Variants in ZNF808 observed in about 807,000 individuals in gnomAD.
The protein encoded by ZNF808 is zinc finger protein 808.
In ZNF808, 5 loss-of-function variants were observed where a neutral mutation model predicts 8.7. The observed-to-expected ratio is 0.58, with a 90% CI of 0.30 to 1.21. The LOEUF is 1.21. ZNF808 is among the 50% of genes most tolerant of loss of function. ZNF808 has a pLI of 0.07. For synonymous variants in ZNF808, 380 were observed against 366.0 expected, an observed-to-expected ratio of 1.04 and a Z score of -0.44; for missense variants, 1,103 against 1,098.4, an observed-to-expected ratio of 1.00 and a Z score of -0.06.
downstream of ZNF808, among the ~76,000 whole-genome samples, chr19:52,559,514 C>T (rs559887990): frequency 3.3e-5 from 5 of 152,126 alleles, no homozygotes; most frequent in South Asian, 8.3e-4. Flanking sequence ...CCGGTGCAGG[C>T]GCGGGTCCTC....
chr19:52,542,999 C>T (rs967780219), intron 2 of ZNF808, among the ~76,000 whole-genome samples: 1 of 151,622 alleles, frequency 6.6e-6, no homozygotes, highest in African/African-American at 2.4e-5. Context: ...GAGTCTGTGC[C>T]ATAAAGGGGG....
chr19:52,554,171 A>G lies in ZNF808; in HGVS notation c.1255A>G (p.Ile419Val), dbSNP rs1287044116. 3 of 1,614,190 alleles carry G rather than the reference A, an allele frequency of 1.9e-6. No homozygotes were observed. The highest frequency in any genetic ancestry group is 2.5e-6 in the Non-Finnish European group (3 of 1,180,030). ...TCAATCAAGCCTTGCACGTCATCAT[A>G]TACTTCATACTGGAGAGAAACCTTA... ...NHQSSLARHH[I>V]LHTGEKPYKC... Residue 419 changes from isoleucine to valine, a missense_variant, in exon 5 of 5, where the codon ATA becomes GTA. Coordinates refer to ENST00000359798, the MANE Select transcript of ZNF808 (RefSeq NM_001039886.4).
At chr19:52,544,329 A>G (rs2059700865) in intron 3 of ZNF808, among the ~76,000 whole-genome samples, 1 of 152,020 alleles carries the variant, frequency 6.6e-6, no homozygotes, top group African/African-American at 2.4e-5. Flanking sequence ...ATGTGTGTAT[A>G]TTATGTATGT....
downstream of ZNF808, among the ~76,000 whole-genome samples, chr19:52,565,544 T>G (rs1447439721): frequency 2.0e-5 from 3 of 152,298 alleles, no homozygotes; most frequent in East Asian, 3.9e-4. Context: ...TGAGAGCTTA[T>G]CTTCACAGGT....
downstream of ZNF808, among the ~76,000 whole-genome samples, chr19:52,567,108 C>T (rs750405204): frequency 1.3e-5 from 2 of 152,020 alleles, no homozygotes; most frequent in Non-Finnish European, 2.9e-5. Context: ...TGCACCACCA[C>T]CCCCGGCTAA....
At chr19:52,547,416 G>C (rs973494341) in intron 3 of ZNF808, 96 bp from the exon 4 acceptor site, 1 of 1,593,568 alleles carries the variant, frequency 6.3e-7, no homozygotes, top group Non-Finnish European at 8.5e-7. Context: ...CACAGTCTTT[G>C]ATCAAATAAA....
chr19:52,536,907 C>T (rs565911888), intron 2 of ZNF808, among the ~76,000 whole-genome samples: 1 of 152,296 alleles, frequency 6.6e-6, no homozygotes, highest in East Asian at 1.9e-4. Flanking sequence ...TAAATAAGGA[C>T]CGGGCGCTTT....
At chr19:52,550,229 G>T (rs1482628951) in intron 4 of ZNF808, among the ~76,000 whole-genome samples, 3 of 144,696 alleles carry the variant, frequency 2.1e-5, no homozygotes, top group African/African-American at 5.0e-5. Flanking sequence ...TCCAGGGTTG[G>T]TTTTTTTTTT....
chr19:52,554,583 T>G lies in ZNF808; in HGVS notation c.1667T>G (p.Val556Gly). ...KVFMRNSVLA[V>G]HTRIHTAKKP... ...TTCATGCGTAATTCAGTCCTGGCTG[T>G]ACATACTAGAATTCACACTGCAAAG... Residue 556 changes from valine to glycine, a missense_variant, in exon 5 of 5, where the codon GTA becomes GGA. Val to Gly is a moderately radical substitution (Grantham distance 109). Coordinates refer to ENST00000359798, the MANE Select transcript of ZNF808 (RefSeq NM_001039886.4). 3 of 1,613,600 alleles carry G rather than the reference T, an allele frequency of 1.9e-6. No individual in the cohort carries two copies. Among genetic ancestry groups the G allele is most frequent in the Non-Finnish European group, 2.5e-6 (3 of 1,179,764 alleles).
intron 1 of ZNF808, among the ~76,000 whole-genome samples, chr19:52,528,244 C>T (rs2059528505): frequency 6.6e-6 from 1 of 152,184 alleles, no homozygotes; most frequent in Non-Finnish European, 1.5e-5. Context: ...CCATTGAACC[C>T]ACACTGGGAA....
downstream of ZNF808, among the ~76,000 whole-genome samples, chr19:52,565,587 G>A (rs1289283535): frequency 6.6e-6 from 1 of 152,150 alleles, no homozygotes; most frequent in African/African-American, 2.4e-5. Flanking sequence ...GCACACCTGA[G>A]TCAAATGTCT....
chr19:52,554,804 A>T lies in ZNF808; in HGVS notation c.1888A>T (p.Thr630Ser), dbSNP rs767913633. ...ACCATACAGATGTCAGGTTTGTGAC[A>T]CAGCTTTCACGTGGAATTCACAGCT... ...EKPYRCQVCD[T>S]AFTWNSQLAR... The change falls in exon 5 of 5, where the codon ACA becomes TCA. Residue 630 changes from threonine (T) to serine (S), a missense_variant. Coordinates refer to ENST00000359798, the MANE Select transcript of ZNF808 (RefSeq NM_001039886.4). 1.2e-6 allele frequency: 2 copies of T among 1,614,066 alleles called. No homozygotes were observed. The highest frequency in any genetic ancestry group is 2.2e-5 in the South Asian group (2 of 91,078).
chr19:52,543,244 T>G lies in ZNF808; in HGVS notation c.-19-22T>G, dbSNP rs748018078. ...GGAGTGAGTCATTTCTAACATGAAG[T>G]CTTATTTTTTTTCACATACAGGATT... On this transcript the variant is annotated intron_variant, in intron 2 of 4. Transcript: ENST00000359798. The G allele has an allele frequency of 6.2e-6, 10 of 1,608,856 alleles. No individual in the cohort carries two copies. In the Admixed American group the frequency reaches 1.7e-4, roughly 27 times the overall value.
chr19:52,532,167 G>A (rs564048212), intron 1 of ZNF808, among the ~76,000 whole-genome samples: 2 of 152,210 alleles, frequency 1.3e-5, no homozygotes, highest in South Asian at 4.1e-4. Context: ...ATTTCAATAA[G>A]TGCCTGTTCT....
intron 4 of ZNF808, among the ~76,000 whole-genome samples, chr19:52,549,824 C>G (rs1019336389): frequency 2.0e-5 from 3 of 152,190 alleles, no homozygotes; most frequent in Non-Finnish European, 4.4e-5. Context: ...CCCCTCCCCT[C>G]CAACACCACT....
downstream of ZNF808, chr19:52,564,614 C>G (rs972005050): frequency 1.9e-5 from 3 of 157,912 alleles, no homozygotes; most frequent in African/African-American, 7.2e-5. Context: ...TAACCCAGTT[C>G]ATGAAAGACC....
At chr19:52,539,578 G>C (rs988112746) in intron 2 of ZNF808, among the ~76,000 whole-genome samples, 1 of 104,288 alleles carries the variant, frequency 9.6e-6, no homozygotes, top group East Asian at 3.5e-4. Flanking sequence ...TTTTTTGACG[G>C]AGTTTTGGTC....
chr19:52,560,800 C>T (rs1568494724), downstream of ZNF808, among the ~76,000 whole-genome samples: 1 of 152,166 alleles, frequency 6.6e-6, no homozygotes, highest in Admixed American at 6.6e-5. Flanking sequence ...GCACAAAGTT[C>T]ACTCCTACGT....
At chr19:52,548,192 G>A (rs2059742202) in intron 4 of ZNF808, among the ~76,000 whole-genome samples, 1 of 152,116 alleles carries the variant, frequency 6.6e-6, no homozygotes, top group African/African-American at 2.4e-5. Flanking sequence ...AGCCTCATAT[G>A]TATGAGGCTC....
Sources: gnomAD v4.1 joint callset for allele counts (sites outside exome capture counted in the v4.1 genomes callset) on GRCh38, gnomAD v4.1.1 for gene constraint, MANE v1.5 for transcripts, NCBI Gene and HGNC (gene_info 2026-07-23, HGNC 2026-07-21) for gene names.